The following STPG2 variants were observed in gnomAD, a reference collection of about 807,000 sequenced individuals.
STPG2 encodes sperm-tail PG-rich repeat-containing protein 2.
In STPG2, 56 loss-of-function variants were observed where a neutral mutation model predicts 54.2. That is an observed-to-expected ratio of 1.03 (90% CI 0.83 to 1.29). The LOEUF is 1.29. Ranked by LOEUF, STPG2 falls within the 50% of genes most tolerant of loss-of-function variation. The pLI, the probability that STPG2 is intolerant of heterozygous loss-of-function variation, is 0.00. For missense variants in STPG2, 596 were observed against 544.9 expected (o/e 1.09, Z -0.93); for synonymous variants, 200 against 181.8 (o/e 1.10, Z -0.81).
intron 4 of STPG2, among the ~76,000 whole-genome samples, chr4:97,454,699 C>G (rs935061014): frequency 2.0e-5 from 3 of 151,634 alleles, no homozygotes; most frequent in Non-Finnish European, 4.4e-5. Flanking sequence ...ATTAGAATAA[C>G]TAAAAGAAAA....
At chr4:97,927,827 A>G (rs1732394278) in intron 8 of STPG2, among the ~76,000 whole-genome samples, 3 of 152,096 alleles carry the variant, frequency 2.0e-5, no homozygotes, top group Non-Finnish European at 4.4e-5. Context: ...GTTAATATGC[A>G]TTTGGAATGG....
intron 9 of STPG2, among the ~76,000 whole-genome samples, chr4:97,825,906 T>C (rs1728244934): frequency 6.6e-6 from 1 of 152,218 alleles, no homozygotes; most frequent in Non-Finnish European, 1.5e-5. Flanking sequence ...TTTAGACATT[T>C]GGTCTAAATT....
intron 10 of STPG2, among the ~76,000 whole-genome samples, chr4:97,578,547 T>G (rs1732781509): frequency 6.6e-6 from 1 of 151,904 alleles, no homozygotes; most frequent in African/African-American, 2.4e-5. Flanking sequence ...GACACCCAGT[T>G]GATGTCTGCA....
chr4:97,976,549 A>G (rs1734505635), intron 6 of STPG2, among the ~76,000 whole-genome samples: 2 of 152,118 alleles, frequency 1.3e-5, no homozygotes, highest in African/African-American at 2.4e-5. Context: ...GGAACCCCAG[A>G]TCAGATCTGC....
intron 10 of STPG2, among the ~76,000 whole-genome samples, chr4:97,625,830 T>A (rs766449462): frequency 2.0e-5 from 3 of 152,156 alleles, no homozygotes; most frequent in Non-Finnish European, 2.9e-5. Context: ...GAACCAAGCC[T>A]CCCACCAGCC....
chr4:98,061,413 G>C (rs966479033), intron 5 of STPG2, among the ~76,000 whole-genome samples: 1 of 152,158 alleles, frequency 6.6e-6, no homozygotes, highest in East Asian at 1.9e-4. Flanking sequence ...GAGAGTGAAG[G>C]GGAAAGTGCC....
At chr4:98,043,799 C>T (rs1737037456) in intron 5 of STPG2, among the ~76,000 whole-genome samples, 1 of 151,810 alleles carries the variant, frequency 6.6e-6, no homozygotes, top group African/African-American at 2.4e-5. Flanking sequence ...TTTGGGAGTA[C>T]ATGTGCAGGT....
rs1454526394 is a variant in STPG2 at position 97,559,020 on chromosome 4, C to A, written c.*38G>T. On this transcript the variant is annotated 3_prime_UTR_variant, in exon 11 of 11. Transcript: ENST00000295268. ...AATGACAAAGAAATAAACTGACTTC[C>A]ATGAAGTTGTTTTTTAAGTTTTTGC... 1 of 1,485,960 alleles carries A rather than the reference C, an allele frequency of 6.7e-7. No homozygotes were observed. Among genetic ancestry groups the A allele is most frequent in the Non-Finnish European group, 9.2e-7 (1 of 1,081,364 alleles). 92.0% of individuals were successfully genotyped at this position (1,485,960 alleles called of 1,614,324 possible).
chr4:97,820,547 A>G (rs260890), intron 9 of STPG2, among the ~76,000 whole-genome samples: 88,652 of 152,044 alleles, frequency 0.58, 26,409 homozygotes, highest in East Asian at 0.74. Context: ...AAATGCTACC[A>G]CAGTAAATAC....
intron 8 of STPG2, among the ~76,000 whole-genome samples, chr4:97,900,022 C>T (rs1389589820): frequency 6.6e-6 from 1 of 151,924 alleles, no homozygotes; most frequent in Non-Finnish European, 1.5e-5. Flanking sequence ...GCAAACTATG[C>T]ATCTGACAAA....
intron 10 of STPG2, among the ~76,000 whole-genome samples, chr4:97,693,364 AC>A (rs577632365): frequency 2.0e-3 from 309 of 152,238 alleles, no homozygotes; most frequent in Admixed American, 3.4e-3. Flanking sequence ...GCAAATCAAC[AC>A]CAAAACAAGC....
At chr4:97,652,127 T>C (rs2148954234) in intron 10 of STPG2, among the ~76,000 whole-genome samples, 1 of 152,002 alleles carries the variant, frequency 6.6e-6, no homozygotes, top group South Asian at 2.1e-4. Context: ...AGCTTTTATC[T>C]AAAGGCCGTG....
intron 5 of STPG2, among the ~76,000 whole-genome samples, chr4:98,022,412 T>G (rs1736245452): frequency 6.6e-6 from 1 of 152,214 alleles, no homozygotes; most frequent in Non-Finnish European, 1.5e-5. Context: ...GGCTTCCCTT[T>G]GTGGGTAACG....
At chr4:97,674,369 T>C (rs1722780619) in intron 10 of STPG2, among the ~76,000 whole-genome samples, 1 of 152,202 alleles carries the variant, frequency 6.6e-6, no homozygotes, top group Non-Finnish European at 1.5e-5. Context: ...TGATTCATAA[T>C]ATTCAGAATA....
chr4:97,982,537 A>G (rs1313675686), intron 5 of STPG2, among the ~76,000 whole-genome samples: 1 of 152,180 alleles, frequency 6.6e-6, no homozygotes, highest in African/African-American at 2.4e-5. Flanking sequence ...AAATGTATCA[A>G]TGATCTAATG....
At chr4:97,903,959 A>T (rs1560580543) in intron 8 of STPG2, among the ~76,000 whole-genome samples, 1 of 152,186 alleles carries the variant, frequency 6.6e-6, no homozygotes, top group Non-Finnish European at 1.5e-5. Flanking sequence ...ACGCCCACAG[A>T]GTCTCGCTGA....
chr4:97,932,508 G>T (rs1732589468), intron 8 of STPG2, among the ~76,000 whole-genome samples: 1 of 151,936 alleles, frequency 6.6e-6, no homozygotes, highest in Non-Finnish European at 1.5e-5. Flanking sequence ...TTTTCCTGAT[G>T]CTCTCCTTCC....
intron 10 of STPG2, among the ~76,000 whole-genome samples, chr4:97,659,430 C>G (rs1722310304): frequency 3.1e-5 from 1 of 31,842 alleles, no homozygotes; most frequent in Admixed American, 2.9e-4. Flanking sequence ...TAGATCCCTA[C>G]AGAACTGGAA....
intron 9 of STPG2, among the ~76,000 whole-genome samples, chr4:97,738,434 A>G (rs944365258): frequency 9.2e-5 from 14 of 152,328 alleles, no homozygotes; most frequent in Middle Eastern, 3.4e-3. Flanking sequence ...ATAAAGAGTC[A>G]AGACCAATCA....
Sources: gnomAD v4.1 joint callset for allele counts (sites outside exome capture counted in the v4.1 genomes callset) on GRCh38, gnomAD v4.1.1 for gene constraint, MANE v1.5 for transcripts, NCBI Gene and HGNC (gene_info 2026-07-23, HGNC 2026-07-21) for gene names.